Variants in FAM222B observed in about 807,000 individuals in gnomAD.
FAM222B encodes the protein family with sequence similarity 222 member B, also known as protein FAM222B.
In FAM222B, 12 loss-of-function variants were observed where a neutral mutation model predicts 38.0. The ratio of observed to expected loss-of-function variants is 0.32; its 90% CI spans 0.20 to 0.51. The LOEUF is 0.51. Ranked by LOEUF, FAM222B falls within the 20% of genes least tolerant of loss-of-function variation. The pLI, the probability that FAM222B is intolerant of heterozygous loss-of-function variation, is 0.97. For synonymous variants in FAM222B, 329 were observed against 317.2 expected, an observed-to-expected ratio of 1.04 and a Z score of -0.40; for missense variants, 716 against 754.2, an observed-to-expected ratio of 0.95 and a Z score of 0.59.
At chr17:28,771,283 G>A (rs2035620286) in intron 1 of FAM222B, among the ~76,000 whole-genome samples, 1 of 152,096 alleles carries the variant, frequency 6.6e-6, no homozygotes, top group Admixed American at 6.6e-5. Context: ...TAATAACTGA[G>A]GAAGGTAGAG....
chr17:28,811,978 T>C (rs963023172), intron 1 of FAM222B, among the ~76,000 whole-genome samples: 3 of 152,146 alleles, frequency 2.0e-5, no homozygotes, highest in African/African-American at 7.2e-5. Context: ...CTGTGCATTT[T>C]ACTATGCGAC....
In FAM222B at chr17:28,756,995, AAC is replaced by A. The variant is rs2034729964; in HGVS notation, c.*1273_*1274del. 6.6e-6 allele frequency: 1 copy of A among 152,510 alleles called. No individual in the cohort carries two copies. The highest frequency in any genetic ancestry group is 2.1e-4 in the South Asian group (1 of 4,828). The allele number at this position is 152,510 out of a possible 1,614,324, so 9.4% of individuals were successfully genotyped here. A position where few individuals can be genotyped will look rare whatever the true frequency, so the allele number is the denominator to read the frequency against. On this transcript the variant is annotated 3_prime_UTR_variant, in exon 3 of 3. Transcript: ENST00000581407. Reference sequence around the variant, plus strand: ...AGAATGGTGCAAAAATTTGTAACAAAACAGTCTAAGTTTAAAATTACAGAAAA... The same window carrying A: ...AGAATGGTGCAAAAATTTGTAACAAAAGTCTAAGTTTAAAATTACAGAAAA...
At chr17:28,813,912 C>A (rs1026876985) in intron 1 of FAM222B, among the ~76,000 whole-genome samples, 1 of 151,570 alleles carries the variant, frequency 6.6e-6, no homozygotes, top group African/African-American at 2.4e-5. Flanking sequence ...CTACATGGGG[C>A]TCATTTAAGA....
chr17:28,805,581 G>A (rs905799552), intron 1 of FAM222B, among the ~76,000 whole-genome samples: 18 of 151,814 alleles, frequency 1.2e-4, no homozygotes, highest in African/African-American at 3.6e-4. Context: ...CTGAGCCCAA[G>A]GGGTGGAGAC....
chr17:28,798,636 C>T (rs1262292368), intron 1 of FAM222B, among the ~76,000 whole-genome samples: 4 of 122,526 alleles, frequency 3.3e-5, no homozygotes, highest in Admixed American at 8.2e-5. Context: ...GCACTTGCAC[C>T]CCCTTTTTTT....
chr17:28,790,899 T>A lies in FAM222B; in HGVS notation c.-40-24192A>T, dbSNP rs1272487366. 1.7e-3 allele frequency among the ~76,000 whole-genome samples: 199 copies of A among 118,986 alleles called. 12 individuals are homozygous for A. Among genetic ancestry groups the A allele is most frequent in the African/African-American group, 4.4e-3 (139 of 31,698 alleles). 78.1% of individuals were successfully genotyped at this position (118,986 alleles called of 152,430 possible). Reference sequence around the variant, plus strand: ...AATTGTTTCACTTTTTTTTTTTTTTTTTTTTTTTTTTTTTTTAGAGACAGA... The same window carrying A: ...AATTGTTTCACTTTTTTTTTTTTTTATTTTTTTTTTTTTTTTAGAGACAGA... On this transcript the variant is annotated intron_variant, in intron 1 of 2. Transcript: ENST00000581407.
Position 28,799,614 on chromosome 17 carries a change from TTTC to T in FAM222B, c.-40-32910_-40-32908del, listed in dbSNP as rs371471626. On this transcript the variant is annotated intron_variant, in intron 1 of 2. Coordinates refer to ENST00000581407, the MANE Select transcript of FAM222B (RefSeq NM_001077498.3). ...GTGAGCCACCGCGCCCAGCCAAAAC[TTTC>T]TTTTTTTAAGAGACAGGGCTCACTC... Among the ~76,000 whole-genome samples, 400 of 152,014 alleles carry T rather than the reference TTTC, an allele frequency of 2.6e-3. 5 individuals carry two copies. Among genetic ancestry groups the T allele is most frequent in the African/African-American group, 8.9e-3 (367 of 41,456 alleles).
rs2034993604 is a variant in FAM222B, at chr17:28,759,980, T to A, written c.83-104A>T. 8 of 1,152,080 alleles carry A rather than the reference T, an allele frequency of 6.9e-6. No homozygotes were observed. The highest frequency in any genetic ancestry group is 9.7e-6 in the Non-Finnish European group (8 of 828,740). The allele number at this position is 1,152,080 out of a possible 1,614,324, so 71.4% of individuals were successfully genotyped here. A position where few individuals can be genotyped will look rare whatever the true frequency, so the allele number is the denominator to read the frequency against. ...CCCCTTTTGAGGGCCTGGGGTGGGGTGGGGAAATGACTAGATTGTCATCTG... is the reference window on the plus strand; with the variant it reads ...CCCCTTTTGAGGGCCTGGGGTGGGGAGGGGAAATGACTAGATTGTCATCTG... On this transcript the variant is annotated intron_variant, in intron 2 of 2. Transcript: ENST00000581407. This position sits in a 1 kb window ranked among gnomAD's most constrained non-coding sequence, Gnocchi z 4.8.
chr17:28,758,263 G>A lies in FAM222B; in HGVS notation c.*7C>T. On this transcript the variant is annotated 3_prime_UTR_variant, in exon 3 of 3. Coordinates refer to ENST00000581407, the MANE Select transcript of FAM222B (RefSeq NM_001077498.3). ...GATGTGTTGCACGTGGAGGGCAGCA[G>A]GGCTACCTATCTATACCCTGGGTGC... 3 of 1,556,156 alleles carry A rather than the reference G, an allele frequency of 1.9e-6. No homozygotes were observed. Among genetic ancestry groups the A allele is most frequent in the Non-Finnish European group, 2.6e-6 (3 of 1,151,426 alleles).
chr17:28,766,811 A>G, intron 1 of FAM222B, 104 bp from the exon 2 acceptor site: 1 of 619,570 alleles, frequency 1.6e-6, no homozygotes, highest in Non-Finnish European at 2.9e-6. Context: ...TTAGACACAT[A>G]AAGCAATTTA....
intron 1 of FAM222B, among the ~76,000 whole-genome samples, chr17:28,810,744 T>A (rs2037721257): frequency 6.6e-6 from 1 of 152,242 alleles, no homozygotes; most frequent in African/African-American, 2.4e-5. Context: ...TATTCTAAGG[T>A]ATTTGAAATC....
At chr17:28,836,408 A>G (rs986453827) in intron 1 of FAM222B, among the ~76,000 whole-genome samples, 1 of 152,006 alleles carries the variant, frequency 6.6e-6, no homozygotes, top group Non-Finnish European at 1.5e-5. Flanking sequence ...TTGGGAGGCC[A>G]TGAGGCGGGC....
At chr17:28,784,426 T>C (rs530258858) in intron 1 of FAM222B, among the ~76,000 whole-genome samples, 165 of 132,258 alleles carry the variant, frequency 1.2e-3, no homozygotes, top group Admixed American at 5.6e-3. Flanking sequence ...CAGTGTGCCA[T>C]AGTGACACCT....
chr17:28,814,767 G>T (rs557692827), intron 1 of FAM222B, among the ~76,000 whole-genome samples: 1 of 131,118 alleles, frequency 7.6e-6, no homozygotes, highest in Non-Finnish European at 1.6e-5. Flanking sequence ...GTGCCAGGCC[G>T]ATCTTTTTTT....
At chr17:28,811,797 G>A (rs929096133) in intron 1 of FAM222B, among the ~76,000 whole-genome samples, 2 of 152,166 alleles carry the variant, frequency 1.3e-5, no homozygotes, top group African/African-American at 4.8e-5. Context: ...TCTCCTTTCA[G>A]ATTGTTATTG....
In FAM222B at chr17:28,759,606, C is replaced by T; in HGVS notation, c.353G>A (p.Gly118Asp). ...PAKSILKDFD[G>D]TRARLLPEAI... is the part of the protein sequence containing the mutation. Reference sequence around the variant, plus strand: ...CTCAGGGAGCAACCGGGCTCGGGTGCCGTCAAAGTCCTTGAGTATGCTTTT... The same window carrying T: ...CTCAGGGAGCAACCGGGCTCGGGTGTCGTCAAAGTCCTTGAGTATGCTTTT... Residue 118 changes from glycine to aspartate, a missense_variant, in exon 3 of 3, where the codon GGC becomes GAC. Gly to Asp is a moderately conservative substitution (Grantham distance 94, BLOSUM62 -1). Transcript: ENST00000581407. This position sits in a 1 kb window ranked among gnomAD's most constrained non-coding sequence, Gnocchi z 4.8. 2 of 1,612,506 alleles carry T rather than the reference C, an allele frequency of 1.2e-6. No homozygotes were observed. The highest frequency in any genetic ancestry group is 2.2e-5 in the South Asian group (2 of 90,734).
At position 28,781,627 on chromosome 17, in the gene FAM222B, C is replaced by A. The variant is rs142132526; in HGVS notation, c.-40-14920G>T. Reference sequence around the variant, plus strand: ...ATTCACAACAGCCAAGATATGGAATCAGCCTAAGTGTCAGTCTATCAATGG... The same window carrying A: ...ATTCACAACAGCCAAGATATGGAATAAGCCTAAGTGTCAGTCTATCAATGG... On this transcript the variant is annotated intron_variant, in intron 1 of 2. Coordinates refer to ENST00000581407, the MANE Select transcript of FAM222B (RefSeq NM_001077498.3). 9.5e-4 allele frequency among the ~76,000 whole-genome samples: 144 copies of A among 152,274 alleles called. No individual in the cohort carries two copies. The East Asian group carries it at 0.02, about 21-fold the overall frequency.
chr17:28,830,161 CTTTTT>C (rs58480451), intron 1 of FAM222B, among the ~76,000 whole-genome samples: 2 of 101,510 alleles, frequency 2.0e-5, no homozygotes. Flanking sequence ...TTTATACATT[CTTTTT>C]TTTTTTTTTT....
At chr17:28,799,297 C>CTT (rs35660613) in intron 1 of FAM222B, among the ~76,000 whole-genome samples, 21 of 110,930 alleles carry the variant, frequency 1.9e-4, no homozygotes, top group African/African-American at 3.4e-4. Flanking sequence ...CACAGAAAAA[C>CTT]TTTTTTTTTT....
Sources: allele counts gnomAD v4.1 joint callset (sites outside exome capture counted in the v4.1 genomes callset), GRCh38; gene constraint gnomAD v4.1.1; non-coding constraint Gnocchi (gnomAD v3.1); transcripts MANE v1.5; gene names NCBI Gene and HGNC (gene_info 2026-07-23, HGNC 2026-07-21).